ERC1: variants seen among roughly 807,000 people sequenced by gnomAD.
ERC1 encodes the protein RAB6 interacting protein 2.
In ERC1, 56 loss-of-function variants were observed where a neutral mutation model predicts 132.0. The observed-to-expected ratio is 0.42, with a 90% confidence interval of 0.34 to 0.53. The LOEUF is 0.53. Ranked by LOEUF, ERC1 falls within the 20% of genes least tolerant of loss-of-function variation. ERC1 has a pLI of 0.03. For synonymous variants in ERC1, 478 were observed against 476.1 expected, an observed-to-expected ratio of 1.00 and a Z score of -0.05; for missense variants, 1,202 against 1,349.9, an observed-to-expected ratio of 0.89 and a Z score of 1.72.
At chr12:1,038,916 G>A (rs1969630127) in intron 2 of ERC1, among the ~76,000 whole-genome samples, 1 of 152,180 alleles carries the variant, frequency 6.6e-6, no homozygotes, top group Non-Finnish European at 1.5e-5. Flanking sequence ...GAAATATTTG[G>A]ATATAGGCAG....
intron 17 of ERC1, among the ~76,000 whole-genome samples, chr12:1,442,262 A>G (rs997275321): frequency 1.3e-5 from 2 of 152,352 alleles, no homozygotes; most frequent in South Asian, 4.1e-4. Context: ...ATAAAATACA[A>G]TATTTTTGAA....
At chr12:1,048,648 T>C (rs1197109478) in intron 2 of ERC1, among the ~76,000 whole-genome samples, 2 of 152,242 alleles carry the variant, frequency 1.3e-5, no homozygotes, top group African/African-American at 4.8e-5. Context: ...CTAAATTTTA[T>C]TACTTTTTAG....
intron 18 of ERC1, among the ~76,000 whole-genome samples, chr12:1,484,236 T>C (rs546649253): frequency 1.0e-3 from 151 of 151,572 alleles, no homozygotes; most frequent in African/African-American, 2.8e-3. Context: ...ACCTGGGATG[T>C]GGAGCTTGCA....
At chr12:1,391,647 A>G (rs1591720021) in intron 16 of ERC1, 2 of 152,290 alleles carry the variant, frequency 1.3e-5, no homozygotes, top group African/African-American at 4.8e-5. Flanking sequence ...AGGCTGAAGC[A>G]CCTCCTCACA....
chr12:1,115,313 A>G (rs188747450), intron 6 of ERC1, among the ~76,000 whole-genome samples: 3 of 152,368 alleles, frequency 2.0e-5, no homozygotes, highest in East Asian at 1.9e-4. Context: ...TATGTATAAC[A>G]TTAAAAGTGG....
chr12:1,095,952 A>G (rs959755647), intron 3 of ERC1, among the ~76,000 whole-genome samples: 4 of 141,230 alleles, frequency 2.8e-5, no homozygotes, highest in African/African-American at 8.3e-5. Context: ...TTTTTTTGAG[A>G]TAGGGTCTGA....
intron 13 of ERC1, among the ~76,000 whole-genome samples, chr12:1,255,269 A>G (rs2076721251): frequency 6.6e-6 from 1 of 152,212 alleles, no homozygotes; most frequent in South Asian, 2.1e-4. Context: ...TGCAAAGGAC[A>G]TGAGCTTATC....
In ERC1 at chr12:1,289,983, G is replaced by C; in HGVS notation, c.2751G>C (p.Arg917Ser). The change falls in exon 15 of 19, where the codon AGG becomes AGC. Residue 917 changes from arginine (R) to serine (S), a missense_variant. By Grantham distance (110) the Arg-to-Ser change is moderately radical. Coordinates refer to ENST00000360905, the MANE Select transcript of ERC1 (RefSeq NM_178040.4). ...TGACTAATCTTCGGGCAGAGAGAAG[G>C]AAACACTTAGAGGAAGTTCTGGAGA... is the stretch of plus-strand genomic sequence containing the variant. ...THLTNLRAER[R>S]KHLEEVLEMK... The C allele has an allele frequency of 6.2e-7, 1 of 1,614,072 alleles. No homozygotes were observed.
intron 12 of ERC1, among the ~76,000 whole-genome samples, chr12:1,224,514 A>C (rs2074401556): frequency 6.6e-6 from 1 of 152,194 alleles, no homozygotes; most frequent in South Asian, 2.1e-4. Flanking sequence ...AAAGAATCAA[A>C]GACCAAAAAA....
intron 1 of ERC1, among the ~76,000 whole-genome samples, chr12:995,636 G>A (rs936158738): frequency 1.9e-4 from 29 of 152,266 alleles, no homozygotes; most frequent in Non-Finnish European, 3.1e-4. Flanking sequence ...ATCATCAGGG[G>A]AGTGAATTTT....
At chr12:1,281,280 T>A (rs2078660461) in intron 14 of ERC1, among the ~76,000 whole-genome samples, 1 of 152,162 alleles carries the variant, frequency 6.6e-6, no homozygotes, top group Non-Finnish European at 1.5e-5. Context: ...GGACAAATTA[T>A]ATAGCCATTC....
At chr12:1,366,098 T>C (rs2086637618) in intron 15 of ERC1, among the ~76,000 whole-genome samples, 1 of 152,194 alleles carries the variant, frequency 6.6e-6, no homozygotes, top group African/African-American at 2.4e-5. Flanking sequence ...TGGTATAGTT[T>C]CACCTTTGTA....
chr12:1,339,321 G>T, intron 15 of ERC1, among the ~76,000 whole-genome samples: 1 of 126,350 alleles, frequency 7.9e-6, no homozygotes, highest in South Asian at 2.8e-4. Context: ...TCAGCTGGAC[G>T]ACTGTGACAG....
At chr12:1,025,282 C>G (rs912539563) in intron 1 of ERC1, among the ~76,000 whole-genome samples, 1 of 152,094 alleles carries the variant, frequency 6.6e-6, no homozygotes, top group African/African-American at 2.4e-5. Context: ...ACATTTTTCC[C>G]CTTTATAACA....
chr12:1,355,067 A>G (rs962162738), intron 15 of ERC1, among the ~76,000 whole-genome samples: 1 of 152,146 alleles, frequency 6.6e-6, no homozygotes, highest in Non-Finnish European at 1.5e-5. Flanking sequence ...AATACTTTAT[A>G]GGTAGGGTTG....
chr12:1,351,337 C>T lies in ERC1; in HGVS notation c.2781-20496C>T, dbSNP rs148190185. Reference sequence around the variant, plus strand: ...TGTTTTGAGTAAATACTAAGGAGTGCGATGGCCAGATCTTAAGAGTATGTT... The same window carrying T: ...TGTTTTGAGTAAATACTAAGGAGTGTGATGGCCAGATCTTAAGAGTATGTT... On this transcript the variant is annotated intron_variant, in intron 15 of 18. Coordinates refer to ENST00000360905, the MANE Select transcript of ERC1 (RefSeq NM_178040.4). Among the ~76,000 whole-genome samples the T allele has an allele frequency of 1.1e-4, 17 of 152,282 alleles. No individual in the cohort carries two copies. In the East Asian group the frequency reaches 3.3e-3, roughly 29 times the overall value.
intron 14 of ERC1, among the ~76,000 whole-genome samples, chr12:1,278,938 CTT>C (rs1172086227): frequency 6.6e-6 from 1 of 151,870 alleles, no homozygotes; most frequent in African/African-American, 2.4e-5. Context: ...AAGCAGAAAA[CTT>C]TATAAATAAT....
intron 15 of ERC1, among the ~76,000 whole-genome samples, chr12:1,367,029 G>T (rs1160881032): frequency 6.6e-6 from 1 of 152,166 alleles, no homozygotes. Context: ...TTTAAGTAGT[G>T]TATCTACCAT....
intron 16 of ERC1, among the ~76,000 whole-genome samples, chr12:1,373,079 C>T (rs1010883540): frequency 2.0e-5 from 3 of 152,128 alleles, no homozygotes; most frequent in African/African-American, 4.8e-5. Context: ...TGCTTATTCA[C>T]AAGTGAAATA....
Sources: allele counts gnomAD v4.1 joint callset (sites outside exome capture counted in the v4.1 genomes callset), GRCh38; gene constraint gnomAD v4.1.1; transcripts MANE v1.5; gene names NCBI Gene and HGNC (gene_info 2026-07-23, HGNC 2026-07-21).